The following PSD2 variants were observed in gnomAD, a reference collection of about 807,000 sequenced individuals.
The protein encoded by PSD2 is pleckstrin and Sec7 domain containing 2.
Under a neutral mutation model 69.8 loss-of-function variants are expected in PSD2, and 38 were observed. The ratio of observed to expected loss-of-function variants is 0.54; its 90% CI spans 0.42 to 0.71. The LOEUF is 0.71. PSD2 is among the 30% of genes least tolerant of loss of function. The pLI, the probability that PSD2 is intolerant of heterozygous loss-of-function variation, is 0.00. For synonymous variants in PSD2, 412 were observed against 423.0 expected, an observed-to-expected ratio of 0.97 and a Z score of 0.32; for missense variants, 943 against 1,014.5, an observed-to-expected ratio of 0.93 and a Z score of 0.96.
At chr5:139,769,353 A>G in the PSD2 span, among the ~76,000 whole-genome samples, 1 of 152,100 alleles carries the variant, frequency 6.6e-6, no homozygotes, top group Non-Finnish European at 1.5e-5. Context: ...GCAAAAATCC[A>G]GAGAAGCTTC....
chr5:139,842,545 G>C lies in PSD2; in HGVS notation c.*71G>C. 7.1e-7 allele frequency: 1 copy of C among 1,414,886 alleles called. No homozygotes were observed. The highest frequency in any genetic ancestry group is 9.9e-7 in the Non-Finnish European group (1 of 1,013,418). The allele number at this position is 1,414,886 out of a possible 1,614,324, so 87.6% of individuals were successfully genotyped here. On this transcript the variant is annotated 3_prime_UTR_variant, in exon 15 of 15. Coordinates refer to ENST00000274710, the MANE Select transcript of PSD2 (RefSeq NM_032289.4). ...GGGTCAGTGAGCACAATTCCAGCCA[G>C]GGGCCACTTGGACCAAGCTCCAGTC...
At chr5:139,754,809 T>G in the PSD2 span, among the ~76,000 whole-genome samples, 2 of 152,046 alleles carry the variant, frequency 1.3e-5, no homozygotes, top group African/African-American at 4.8e-5. Context: ...CCTGGGAAGT[T>G]GAAGCTGCAG....
the PSD2 span, among the ~76,000 whole-genome samples, chr5:139,744,167 C>A: frequency 1.3e-3 from 202 of 152,300 alleles, no homozygotes; most frequent in African/African-American, 4.5e-3. Flanking sequence ...CCCTTCCCTG[C>A]GCCCAGAAGG....
rs1277621417 is a variant in PSD2 at position 139,839,436 on chromosome 5, A to C, written c.1969-591A>C. The stretch of plus-strand genomic sequence containing the variant: ...TACACATTCACATGTGTAAACACAC[A>C]GGTGGTGACTCATACACACATGCAT... On this transcript the variant is annotated intron_variant, in intron 13 of 14. Coordinates refer to ENST00000274710, the MANE Select transcript of PSD2 (RefSeq NM_032289.4). The surrounding 1 kb of genome is among the most constrained non-coding windows in gnomAD (Gnocchi z 5.1). Among the ~76,000 whole-genome samples the C allele has an allele frequency of 6.6e-6, 1 of 152,226 alleles. No individual in the cohort carries two copies. The highest frequency in any genetic ancestry group is 1.5e-5 in the Non-Finnish European group (1 of 68,038).
At chr5:139,791,520 G>A (rs751625683), upstream of PSD2, among the ~76,000 whole-genome samples, 1 of 151,972 alleles carries the variant, frequency 6.6e-6, no homozygotes, top group Non-Finnish European at 1.5e-5. Flanking sequence ...ATGATAAAGG[G>A]CATTTATGAA....
At chr5:139,796,601 C>T (rs1215598983) in intron 1 of PSD2, among the ~76,000 whole-genome samples, 1 of 152,184 alleles carries the variant, frequency 6.6e-6, no homozygotes, top group Non-Finnish European at 1.5e-5. Context: ...GGGAGGGGTC[C>T]CAGGAGCGGG....
chr5:139,830,632 CTT>C (rs1760569540), intron 7 of PSD2, among the ~76,000 whole-genome samples: 1 of 120,964 alleles, frequency 8.3e-6, no homozygotes, highest in Admixed American at 8.7e-5. Context: ...CTTTCTCTTT[CTT>C]TCTTTCTTTC....
chr5:139,765,439 T>C, the PSD2 span, among the ~76,000 whole-genome samples: 2 of 152,180 alleles, frequency 1.3e-5, no homozygotes, highest in African/African-American at 4.8e-5. Context: ...ACCCTGCACA[T>C]CCACTGTAGT....
intron 7 of PSD2, among the ~76,000 whole-genome samples, chr5:139,826,399 A>G (rs1444124101): frequency 3.3e-5 from 5 of 152,204 alleles, no homozygotes. Flanking sequence ...GGGACAGTGG[A>G]AGCTTCCCTT....
intron 1 of PSD2, among the ~76,000 whole-genome samples, chr5:139,801,173 C>A (rs1456894395): frequency 1.5e-4 from 22 of 151,162 alleles, no homozygotes; most frequent in African/African-American, 5.4e-4. Context: ...CCACTGCACT[C>A]CAGCCTGGAT....
At chr5:139,796,138 C>T (rs1360257847) in intron 1 of PSD2, among the ~76,000 whole-genome samples, 163 bp downstream of exon 1, 2 of 152,120 alleles carry the variant, frequency 1.3e-5, no homozygotes, top group Non-Finnish European at 2.9e-5. Context: ...ATCAATTCCG[C>T]GGCGTCTGGA....
intron 7 of PSD2, among the ~76,000 whole-genome samples, chr5:139,830,626 C>CTCTTTTTTTCTTTCTT (rs1760568098): frequency 1.0e-5 from 1 of 97,662 alleles, no homozygotes; most frequent in Non-Finnish European, 1.8e-5. Flanking sequence ...TTCTTTCTTT[C>CTCTTTTTTTCTTTCTT]TCTTTCTTTC....
Position 139,821,920 on chromosome 5 carries a change from G to C in PSD2, c.1125G>C (p.Met375Ile). 6.2e-7 allele frequency: 1 copy of C among 1,609,124 alleles called. No homozygotes were observed. The highest frequency in any genetic ancestry group is 8.5e-7 in the Non-Finnish European group (1 of 1,177,220). The change falls in exon 6 of 15, where the codon ATG (methionine) becomes ATC (isoleucine). Residue 375 changes from methionine to isoleucine, a missense_variant. By Grantham distance (10) the Met-to-Ile change is conservative. Around this residue, in one of 3 missense-constraint regions of PSD2, gnomAD observed 312 missense variants for 400.7 expected, o/e 0.78. Coordinates refer to ENST00000274710, the MANE Select transcript of PSD2 (RefSeq NM_032289.4). ...CATTCTTGAAGGCCTTCCCGCTGAT[G>C]GGGGAGACACAAGAGCGTGAGCGGG... ...LRTFLKAFPL[M>I]GETQERERVL...
chr5:139,780,947 T>C, the PSD2 span, among the ~76,000 whole-genome samples: 1 of 152,166 alleles, frequency 6.6e-6, no homozygotes, highest in Non-Finnish European at 1.5e-5. Context: ...GTTAAGTAAC[T>C]TGCCCAAGTT....
chr5:139,813,608 G>T lies in PSD2; in HGVS notation c.671G>T (p.Arg224Leu), dbSNP rs762173979. 1 of 1,613,854 alleles carries T rather than the reference G, an allele frequency of 6.2e-7. No homozygotes were observed. Among genetic ancestry groups the T allele is most frequent in the African/African-American group, 1.3e-5 (1 of 75,060 alleles). The change falls in exon 3 of 15, where the codon CGC becomes CTC. Residue 224 changes from arginine (R) to leucine (L), a missense_variant. Transcript: ENST00000274710. ...GDGELGSPLR[R>L]SISSSRSENV... ...GGGGAGCTGGGCAGCCCCCTGCGGC[G>T]CTCCATCTCCAGCAGCCGCTCTGAG...
the PSD2 span, among the ~76,000 whole-genome samples, chr5:139,777,279 T>TA: frequency 6.6e-6 from 1 of 152,274 alleles, no homozygotes; most frequent in African/African-American, 2.4e-5. Flanking sequence ...ATAGGGAAAG[T>TA]AAAAAATATG....
In PSD2 at chr5:139,813,738, C is replaced by G. The variant is rs1265821724; in HGVS notation, c.801C>G (p.Asp267Glu). 1 of 1,606,582 alleles carries G rather than the reference C, an allele frequency of 6.2e-7. No individual in the cohort carries two copies. Among genetic ancestry groups the G allele is most frequent in the Admixed American group, 1.7e-5 (1 of 59,668 alleles). Residue 267 changes from aspartate (D) to glutamate (E), a missense_variant, in exon 3 of 15, where the codon GAC becomes GAG. Around this residue, in one of 3 missense-constraint regions of PSD2, gnomAD observed 466 missense variants for 445.0 expected, o/e 1.05. Coordinates refer to ENST00000274710, the MANE Select transcript of PSD2 (RefSeq NM_032289.4). Reference sequence around the variant, plus strand: ...AGGATGATGATGAGGAGGACACGGACAAGTTGCTGAACTCAGCCAGGTGAG... The same window carrying G: ...AGGATGATGATGAGGAGGACACGGAGAAGTTGCTGAACTCAGCCAGGTGAG... Reference protein sequence around the residue: ...GDEDDDEEDTDKLLNSASDPS... With the variant: ...GDEDDDEEDTEKLLNSASDPS...
chr5:139,768,760 G>A, the PSD2 span, among the ~76,000 whole-genome samples: 1 of 151,422 alleles, frequency 6.6e-6, no homozygotes, highest in Non-Finnish European at 1.5e-5. Context: ...TCCCTCCTGG[G>A]CTGGATGGGA....
chr5:139,801,479 T>G (rs757369460), intron 1 of PSD2, among the ~76,000 whole-genome samples: 20 of 152,134 alleles, frequency 1.3e-4, no homozygotes, highest in Non-Finnish European at 2.2e-4. Context: ...TTCTTCTGTT[T>G]TCCTCCTACC....
Sources: allele counts gnomAD v4.1 joint callset (sites outside exome capture counted in the v4.1 genomes callset), GRCh38; gene constraint gnomAD v4.1.1; regional missense constraint gnomAD v4.1.1; non-coding constraint Gnocchi (gnomAD v3.1); transcripts MANE v1.5; gene names NCBI Gene and HGNC (gene_info 2026-07-23, HGNC 2026-07-21).